GABRA1: variants seen among roughly 807,000 people sequenced by gnomAD.
GABRA1 encodes the protein gamma-aminobutyric acid type A receptor subunit alpha1.
Under a neutral mutation model 48.9 loss-of-function variants are expected in GABRA1, and 9 were observed. The observed-to-expected ratio is 0.18, with a 90% CI of 0.11 to 0.32. GABRA1 has a LOEUF of 0.32. Among genes scored for constraint, GABRA1 ranks in the 10% least tolerant of loss-of-function variants. The pLI, the probability that GABRA1 is intolerant of heterozygous loss-of-function variation, is 1.00. For missense variants in GABRA1, 285 were observed against 553.8 expected (o/e 0.51, Z 4.87); for synonymous variants, 210 against 198.7 (o/e 1.06, Z -0.48).
At chr5:161,861,965 A>G (rs1263774254) in intron 3 of GABRA1, among the ~76,000 whole-genome samples, 1 of 151,936 alleles carries the variant, frequency 6.6e-6, no homozygotes, top group African/African-American at 2.4e-5. Flanking sequence ...AACCCATGGA[A>G]CTGTTACTCT....
intron 6 of GABRA1, 180 bp from the exon 7 acceptor site, chr5:161,882,378 A>T (rs1581206864): frequency 0.015 from 1 of 68 alleles, no homozygotes. Flanking sequence ...ATAAATGACT[A>T]AAAAAAAAAA....
intron 4 of GABRA1, 129 bp downstream of exon 4, chr5:161,865,917 T>C (rs983658135): frequency 1.2e-5 from 8 of 649,162 alleles, no homozygotes; most frequent in South Asian, 1.0e-4. Flanking sequence ...TCTTTCTGTG[T>C]GTAATATGTA....
chr5:161,890,569 T>C (rs1270104870), intron 7 of GABRA1, among the ~76,000 whole-genome samples: 1 of 152,080 alleles, frequency 6.6e-6, no homozygotes, highest in Non-Finnish European at 1.5e-5. Flanking sequence ...GGGTTTAGCA[T>C]ATTGCCTTCT....
chr5:161,868,433 A>C (rs555364439), intron 4 of GABRA1, among the ~76,000 whole-genome samples: 14 of 152,094 alleles, frequency 9.2e-5, no homozygotes, highest in African/African-American at 3.1e-4. Flanking sequence ...TTTTTTCCAA[A>C]TTAACCTATC....
chr5:161,889,985 T>A (rs1377343647), intron 7 of GABRA1, among the ~76,000 whole-genome samples: 1 of 152,024 alleles, frequency 6.6e-6, no homozygotes, highest in Non-Finnish European at 1.5e-5. Context: ...AGTTAAGATG[T>A]GACTACAGCC....
At chr5:161,875,538 T>C (rs1754309502) in intron 5 of GABRA1, 22 bp from the exon 6 acceptor site, 1 of 1,594,082 alleles carries the variant, frequency 6.3e-7, no homozygotes, top group South Asian at 1.1e-5. Flanking sequence ...GGCTCTTGTT[T>C]GTATTCTATG....
chr5:161,863,569 A>G (rs1359153432), intron 3 of GABRA1, among the ~76,000 whole-genome samples: 1 of 152,060 alleles, frequency 6.6e-6, no homozygotes, highest in Admixed American at 6.6e-5. Context: ...TCCACCCCCA[A>G]AATCCAAACA....
intron 1 of GABRA1, chr5:161,850,335 G>A: frequency 3.2e-6 from 1 of 311,218 alleles, no homozygotes; most frequent in Non-Finnish European, 5.8e-6. Flanking sequence ...ATCACAACAT[G>A]TTAACCTATC....
intron 7 of GABRA1, among the ~76,000 whole-genome samples, chr5:161,888,441 A>C (rs1226255729): frequency 6.6e-6 from 1 of 152,148 alleles, no homozygotes; most frequent in African/African-American, 2.4e-5. Context: ...GTTGTTTATA[A>C]AACAAATATA....
intron 6 of GABRA1, among the ~76,000 whole-genome samples, chr5:161,881,392 A>G (rs1383022256): frequency 4.6e-5 from 7 of 152,136 alleles, no homozygotes; most frequent in Non-Finnish European, 1.0e-4. Context: ...CTCTCACTCT[A>G]TGCAATCTCT....
chr5:161,893,050 A>ATAATAAAAAAAT (rs1554087375), intron 8 of GABRA1, among the ~76,000 whole-genome samples: 1 of 145,440 alleles, frequency 6.9e-6, no homozygotes, highest in Admixed American at 6.9e-5. Flanking sequence ...AATAATAATA[A>ATAATAAAAAAAT]AATAAACACA....
rs532511391 is a variant in GABRA1, at chr5:161,870,665, A to G, written c.256-2452A>G. On this transcript the variant is annotated intron_variant, in intron 4 of 9. Transcript: ENST00000393943. The stretch of plus-strand genomic sequence containing the variant: ...AGAAAGAAAGAAAAAGAAAGAAAAA[A>G]CAGAAAAAGAGGGGGTTCTGGCTAA... Among the ~76,000 whole-genome samples, 5 of 152,174 alleles carry G rather than the reference A, an allele frequency of 3.3e-5. No individual in the cohort carries two copies. The East Asian group carries it at 9.6e-4, about 29-fold the overall frequency.
chr5:161,896,605 G>C (rs1755379530), intron 9 of GABRA1, among the ~76,000 whole-genome samples: 2 of 152,172 alleles, frequency 1.3e-5, no homozygotes, highest in Admixed American at 1.3e-4. Flanking sequence ...CAAAGACAGA[G>C]ACAAAGAGAT....
In GABRA1 at chr5:161,851,317, G is replaced by A. The variant is rs182447915; in HGVS notation, c.74+433G>A. Reference sequence around the variant, plus strand: ...AAATGGAAAGTTTTAAATAATATCTGTTATTTGAAAATCACGTCTCTCTAA... The same window carrying A: ...AAATGGAAAGTTTTAAATAATATCTATTATTTGAAAATCACGTCTCTCTAA... On this transcript the variant is annotated intron_variant, in intron 2 of 9. Coordinates refer to ENST00000393943, the MANE Select transcript of GABRA1 (RefSeq NM_001127644.2). 2.8e-4 allele frequency among the ~76,000 whole-genome samples: 42 copies of A among 152,106 alleles called. No homozygotes were observed. In the East Asian group the frequency reaches 8.1e-3, roughly 29 times the overall value.
intron 2 of GABRA1, among the ~76,000 whole-genome samples, chr5:161,852,196 G>T (rs1225293972): frequency 6.6e-6 from 1 of 151,786 alleles, no homozygotes. Context: ...GGTCTCTTTG[G>T]GCATCTGCAT....
At chr5:161,895,029 T>C (rs1374736900) in intron 8 of GABRA1, among the ~76,000 whole-genome samples, 4 of 126,698 alleles carry the variant, frequency 3.2e-5, no homozygotes, top group Non-Finnish European at 5.0e-5. Context: ...TATATATGTG[T>C]ATATATATAT....
chr5:161,859,004 TG>T (rs1757753359), intron 3 of GABRA1, among the ~76,000 whole-genome samples: 1 of 151,748 alleles, frequency 6.6e-6, no homozygotes, highest in African/African-American at 2.4e-5. Context: ...GAAGTAAGAT[TG>T]TAGGTAGAGA....
chr5:161,890,300 A>C (rs1307541234), intron 7 of GABRA1, among the ~76,000 whole-genome samples: 3 of 152,088 alleles, frequency 2.0e-5, no homozygotes, highest in Non-Finnish European at 4.4e-5. Flanking sequence ...GAAGAACTGC[A>C]TTCTTCAAAA....
intron 4 of GABRA1, among the ~76,000 whole-genome samples, chr5:161,866,902 A>C (rs570774476): frequency 1.3e-5 from 2 of 152,268 alleles, no homozygotes; most frequent in Non-Finnish European, 2.9e-5. Context: ...AGTGGTAACT[A>C]AGAATGCAGA....
Sources: gnomAD v4.1 joint callset for allele counts (sites outside exome capture counted in the v4.1 genomes callset) on GRCh38, gnomAD v4.1.1 for gene constraint, MANE v1.5 for transcripts, NCBI Gene and HGNC (gene_info 2026-07-23, HGNC 2026-07-21) for gene names.